Variants in MEGF11 observed in about 807,000 individuals in gnomAD.
The protein encoded by MEGF11 is multiple EGF like domains 11.
Under a neutral mutation model 146.6 loss-of-function variants are expected in MEGF11, and 126 were observed. The ratio of observed to expected loss-of-function variants is 0.86; its 90% confidence interval spans 0.74 to 1.00. MEGF11 has a LOEUF of 1.00. Among genes scored for constraint, MEGF11 ranks in the 50% least tolerant of loss-of-function variants. The pLI is 0.00. For missense variants in MEGF11, 1,509 were observed against 1,521.2 expected (o/e 0.99, Z 0.13); for synonymous variants, 532 against 583.4 (o/e 0.91, Z 1.27).
At position 66,229,531 on chromosome 15, in the gene MEGF11, G is replaced by A. The variant is rs138601343; in HGVS notation, c.-9+24074C>T. Among the ~76,000 whole-genome samples the A allele has an allele frequency of 3.3e-4, 51 of 152,288 alleles. 1 individual carries two copies. In the East Asian group the frequency reaches 8.7e-3, roughly 26 times the overall value. ...AAGCAAAATTCAAGCCAAACTTATCGGTAGCCAAGAGAGAGCTGTTTGTTC... is the reference window on the plus strand; with the variant it reads ...AAGCAAAATTCAAGCCAAACTTATCAGTAGCCAAGAGAGAGCTGTTTGTTC... On this transcript the variant is annotated intron_variant, in intron 1 of 25. Transcript: ENST00000395614.
At chr15:65,941,996 T>C (rs569806020) in intron 10 of MEGF11, among the ~76,000 whole-genome samples, 31 of 152,236 alleles carry the variant, frequency 2.0e-4, no homozygotes, top group South Asian at 4.2e-4. Flanking sequence ...ACTTTTTTTT[T>C]CCCTCTTATC....
chr15:65,929,531 G>A (rs901812787), intron 12 of MEGF11, among the ~76,000 whole-genome samples, 189 bp downstream of exon 12: 2 of 152,166 alleles, frequency 1.3e-5, no homozygotes, highest in Admixed American at 6.5e-5. Flanking sequence ...TTTTATAGAC[G>A]AGGGGGATGA....
intron 10 of MEGF11, among the ~76,000 whole-genome samples, chr15:65,955,798 A>G (rs2080601387): frequency 1.5e-5 from 1 of 65,088 alleles, no homozygotes; most frequent in South Asian, 5.5e-4. Context: ...ATATATACAC[A>G]CACACACACA....
chr15:65,957,683 C>T lies in MEGF11; in HGVS notation c.1151G>A (p.Gly384Asp). The part of the protein sequence containing the change: ...PVTGACTCQP[G>D]WSGHHCNESC... ...TTCATTGCAGTGGTGACCAGACCAGCCTGGCTGGCAGGTACAAGCTCCAGT... is the reference window on the plus strand; with the variant it reads ...TTCATTGCAGTGGTGACCAGACCAGTCTGGCTGGCAGGTACAAGCTCCAGT... The change falls in exon 10 of 26, where the codon GGC becomes GAC. Residue 384 changes from glycine to aspartate, a missense_variant. Physicochemically the swap from Gly to Asp is moderately conservative, Grantham distance 94 (BLOSUM62 -1). Coordinates refer to ENST00000395614, the MANE Select transcript of MEGF11 (RefSeq NM_001385028.1). 1 of 1,613,890 alleles carries T rather than the reference C, an allele frequency of 6.2e-7. No individual in the cohort carries two copies. Among genetic ancestry groups the T allele is most frequent in the Non-Finnish European group, 8.5e-7 (1 of 1,179,890 alleles).
At chr15:66,048,426 G>A (rs761368085) in intron 5 of MEGF11, among the ~76,000 whole-genome samples, 1 of 152,240 alleles carries the variant, frequency 6.6e-6, no homozygotes, top group Non-Finnish European at 1.5e-5. Context: ...ACAGCCATTG[G>A]CATGGATTTC....
At position 66,057,743 on chromosome 15, in the gene MEGF11, G is replaced by T. The variant is rs140273020; in HGVS notation, c.394+36659C>A. On this transcript the variant is annotated intron_variant, in intron 5 of 25. Transcript: ENST00000395614. ...TACACACTTATTCTCCTATTATTAT[G>T]ATTATGTTTAGGCTCACTGACATTT... 3.3e-3 allele frequency among the ~76,000 whole-genome samples: 496 copies of T among 152,174 alleles called. 4 individuals carry two copies. The highest frequency in any genetic ancestry group is 0.011 in the African/African-American group (469 of 41,500).
At chr15:66,163,823 G>A (rs1277437073) in intron 1 of MEGF11, among the ~76,000 whole-genome samples, 1 of 152,160 alleles carries the variant, frequency 6.6e-6, no homozygotes, top group African/African-American at 2.4e-5. Flanking sequence ...CAGTCCTCTG[G>A]GCCTCACCTA....
At chr15:66,017,626 T>C (rs1183625771) in intron 5 of MEGF11, among the ~76,000 whole-genome samples, 1 of 152,168 alleles carries the variant, frequency 6.6e-6, no homozygotes, top group Non-Finnish European at 1.5e-5. Context: ...CTCCCTGGTG[T>C]CTGAGGGTCA....
intron 1 of MEGF11, among the ~76,000 whole-genome samples, chr15:66,205,264 G>T (rs969527293): frequency 2.0e-5 from 3 of 152,080 alleles, no homozygotes; most frequent in African/African-American, 4.8e-5. Context: ...AATATAGCAA[G>T]ACCCTGTCTC....
At chr15:65,935,638 C>G (rs989903049) in intron 10 of MEGF11, among the ~76,000 whole-genome samples, 3 of 152,024 alleles carry the variant, frequency 2.0e-5, no homozygotes, top group African/African-American at 7.2e-5. Context: ...CCAGTCAGCT[C>G]CTAATAGCAA....
chr15:66,115,133 C>T (rs1420157986), intron 4 of MEGF11, among the ~76,000 whole-genome samples: 1 of 152,228 alleles, frequency 6.6e-6, no homozygotes, highest in Non-Finnish European at 1.5e-5. Context: ...AAGATGACAT[C>T]CTCCCGCCCT....
At chr15:66,158,436 GC>G (rs1217309931) in intron 1 of MEGF11, among the ~76,000 whole-genome samples, 1 of 152,262 alleles carries the variant, frequency 6.6e-6, no homozygotes, top group Non-Finnish European at 1.5e-5. Flanking sequence ...TTCCTCAGAG[GC>G]TGCCTGCTCT....
intron 5 of MEGF11, among the ~76,000 whole-genome samples, chr15:66,088,723 T>A (rs1289489511): frequency 1.3e-5 from 2 of 151,574 alleles, no homozygotes; most frequent in Non-Finnish European, 2.9e-5. Flanking sequence ...TTATGCTAAG[T>A]GAAATCAGCC....
intron 5 of MEGF11, among the ~76,000 whole-genome samples, chr15:66,075,356 G>T (rs779862694): frequency 1.1e-4 from 16 of 152,224 alleles, no homozygotes; most frequent in Non-Finnish European, 1.8e-4. Flanking sequence ...TATGAGAAAA[G>T]TTCCAATGTC....
At chr15:66,060,767 G>T (rs1209013217) in intron 5 of MEGF11, among the ~76,000 whole-genome samples, 1 of 152,260 alleles carries the variant, frequency 6.6e-6, no homozygotes, top group African/African-American at 2.4e-5. Context: ...ACAGCACTAA[G>T]TGAGCAGGAA....
At chr15:66,058,047 C>A (rs2084751038) in intron 5 of MEGF11, among the ~76,000 whole-genome samples, 1 of 152,024 alleles carries the variant, frequency 6.6e-6, no homozygotes, top group Admixed American at 6.5e-5. Flanking sequence ...GAAAAGAATT[C>A]TTTAATATTA....
chr15:66,229,326 A>G (rs558807825), intron 1 of MEGF11, among the ~76,000 whole-genome samples: 101 of 152,006 alleles, frequency 6.6e-4, no homozygotes, highest in Non-Finnish European at 1.1e-3. Context: ...CACAAGCCCC[A>G]GGCTCCCGGT....
chr15:65,940,263 C>A (rs2079939434), intron 10 of MEGF11, among the ~76,000 whole-genome samples: 5 of 152,088 alleles, frequency 3.3e-5, no homozygotes, highest in Admixed American at 1.3e-4. Context: ...TCCAATGCCG[C>A]ATCCATGCCA....
At chr15:66,040,201 T>C (rs2083908744) in intron 5 of MEGF11, 1 of 154,852 alleles carries the variant, frequency 6.5e-6, no homozygotes, top group African/African-American at 2.4e-5. Context: ...AGACAGTAAG[T>C]GGCTAGACAC....
Sources: allele counts gnomAD v4.1 joint callset (sites outside exome capture counted in the v4.1 genomes callset), GRCh38; gene constraint gnomAD v4.1.1; transcripts MANE v1.5; gene names NCBI Gene and HGNC (gene_info 2026-07-23, HGNC 2026-07-21).